RNF180: variants seen among roughly 807,000 people sequenced by gnomAD.
RNF180 encodes ring finger protein 180, also known as E3 ubiquitin-protein ligase RNF180.
A neutral mutation model predicts 59.2 loss-of-function variants in RNF180; 38 were observed. The ratio of observed to expected loss-of-function variants is 0.64; its 90% CI spans 0.50 to 0.84. The LOEUF (loss-of-function observed/expected upper bound fraction) is 0.84. RNF180 is among the 40% of genes least tolerant of loss of function. RNF180 has a pLI of 0.00. For synonymous variants in RNF180, 262 were observed against 240.3 expected, an observed-to-expected ratio of 1.09 and a Z score of -0.84; for missense variants, 705 against 700.9, an observed-to-expected ratio of 1.01 and a Z score of -0.07.
chr5:64,167,096 G>T (rs1259514479), intron 1 of RNF180, among the ~76,000 whole-genome samples: 5 of 152,128 alleles, frequency 3.3e-5, no homozygotes, highest in African/African-American at 7.2e-5. Context: ...TCAGACTTTC[G>T]TCTCTTGTAT....
chr5:64,167,971 C>T (rs143132639), intron 1 of RNF180, among the ~76,000 whole-genome samples: 24 of 152,240 alleles, frequency 1.6e-4, no homozygotes, highest in African/African-American at 5.8e-4. Flanking sequence ...AATGTGATTG[C>T]AGAGTCTTGA....
In RNF180 at chr5:64,372,786, TTTGA is replaced by T. The variant is rs967468252; in HGVS notation, c.*2976_*2979del. ...TGCTCAACTCTTACTTCTTGAAGTG[TTTGA>T]TTGTCAGTAAATTTTCGAAGAACAT... On this transcript the variant is annotated 3_prime_UTR_variant, in exon 8 of 8. Transcript: ENST00000389100. 1 of 151,962 alleles carries T rather than the reference TTTGA, an allele frequency of 6.6e-6. No homozygotes were observed. Among genetic ancestry groups the T allele is most frequent in the African/African-American group, 2.4e-5 (1 of 41,538 alleles). The allele number at this position is 151,962 out of a possible 1,614,324, so 9.4% of individuals were successfully genotyped here. A position where few individuals can be genotyped will look rare whatever the true frequency, so the allele number is the denominator to read the frequency against.
intron 5 of RNF180, among the ~76,000 whole-genome samples, chr5:64,287,175 C>T (rs530100500): frequency 1.2e-3 from 188 of 152,190 alleles, no homozygotes; most frequent in Non-Finnish European, 1.8e-3. Context: ...CCATCTTGGC[C>T]GGGCTGGTCT....
chr5:64,297,679 T>TA (rs1043130286), intron 5 of RNF180, among the ~76,000 whole-genome samples: 3 of 151,954 alleles, frequency 2.0e-5, no homozygotes, highest in South Asian at 2.1e-4. Flanking sequence ...TTGAGAGCAA[T>TA]AAAAAAAGTT....
chr5:64,286,047 C>A (rs750531578), intron 5 of RNF180, among the ~76,000 whole-genome samples: 18 of 152,226 alleles, frequency 1.2e-4, no homozygotes, highest in South Asian at 4.1e-4. Context: ...AAATCAGGAA[C>A]AAGTCCCAGT....
intron 5 of RNF180, among the ~76,000 whole-genome samples, chr5:64,226,643 C>T (rs1417669429): frequency 6.6e-6 from 1 of 151,610 alleles, no homozygotes; most frequent in Non-Finnish European, 1.5e-5. Context: ...CTGAGAAACA[C>T]CCAAGAATGA....
chr5:64,367,111 G>C (rs1746482152), intron 7 of RNF180, among the ~76,000 whole-genome samples: 1 of 151,544 alleles, frequency 6.6e-6, no homozygotes, highest in Non-Finnish European at 1.5e-5. Context: ...TATTATACCT[G>C]ACAAAGTTTT....
chr5:64,362,090 A>AT (rs1162004269), intron 7 of RNF180, among the ~76,000 whole-genome samples: 1 of 151,482 alleles, frequency 6.6e-6, no homozygotes, highest in East Asian at 1.9e-4. Context: ...GATTAAAATA[A>AT]TTTTTTAACT....
rs937339964 is a variant in RNF180 at position 64,325,429 on chromosome 5, T to G, written c.1453+18T>G. The G allele has an allele frequency of 6.9e-7, 1 of 1,446,972 alleles. No individual in the cohort carries two copies. Among genetic ancestry groups the G allele is most frequent in the African/African-American group, 1.4e-5 (1 of 70,868 alleles). The allele number at this position is 1,446,972 out of a possible 1,614,324, so 89.6% of individuals were successfully genotyped here. ...CCAAACAGGTAACAATTCTCTTTCA[T>G]TAACATGATTGTCTGATTATTCTAC... On this transcript the variant is annotated intron_variant, in intron 6 of 7. Transcript: ENST00000389100.
chr5:64,337,114 G>A (rs921159549), intron 7 of RNF180, among the ~76,000 whole-genome samples: 7 of 151,384 alleles, frequency 4.6e-5, no homozygotes, highest in Admixed American at 1.3e-4. Context: ...TTCCAATTCA[G>A]GCAATTCTCC....
chr5:64,219,572 T>C (rs1431738270), intron 5 of RNF180, among the ~76,000 whole-genome samples: 2 of 152,156 alleles, frequency 1.3e-5, no homozygotes, highest in Non-Finnish European at 2.9e-5. Context: ...TGGAGTGCAG[T>C]GGCGCGATCT....
intron 7 of RNF180, among the ~76,000 whole-genome samples, chr5:64,345,632 TTA>T (rs1439129888): frequency 1.3e-5 from 2 of 152,192 alleles, no homozygotes; most frequent in Non-Finnish European, 2.9e-5. Flanking sequence ...AAGCTAGGAT[TTA>T]TCTTTAAAGG....
At chr5:64,169,926 C>T (rs570212463) in intron 1 of RNF180, among the ~76,000 whole-genome samples, 1 of 152,318 alleles carries the variant, frequency 6.6e-6, no homozygotes, top group South Asian at 2.1e-4. Context: ...CTAACAAAGC[C>T]GATCCAAAAG....
intron 1 of RNF180, among the ~76,000 whole-genome samples, chr5:64,177,567 G>GTATT (rs1750322738): frequency 1.2e-5 from 1 of 85,110 alleles, no homozygotes; most frequent in East Asian, 5.1e-4. Flanking sequence ...ATATATATAT[G>GTATT]TATTTATTTC....
chr5:64,340,505 A>G (rs1253475813), intron 7 of RNF180, among the ~76,000 whole-genome samples: 8 of 152,230 alleles, frequency 5.3e-5, no homozygotes, highest in Admixed American at 5.2e-4. Flanking sequence ...TCTAATAGAA[A>G]ACAAAACAGT....
intron 5 of RNF180, among the ~76,000 whole-genome samples, chr5:64,297,762 A>C (rs1464203964): frequency 6.6e-6 from 1 of 152,144 alleles, no homozygotes; most frequent in Non-Finnish European, 1.5e-5. Context: ...TTCTTAAGGG[A>C]CTTCAGGAGA....
intron 5 of RNF180, among the ~76,000 whole-genome samples, chr5:64,244,860 A>AG (rs1261362897): frequency 1.3e-5 from 2 of 152,256 alleles, no homozygotes; most frequent in African/African-American, 4.8e-5. Flanking sequence ...TTACCCACAA[A>AG]GGGAAGCCCA....
At chr5:64,168,812 C>T (rs1328430624) in intron 1 of RNF180, among the ~76,000 whole-genome samples, 1 of 151,944 alleles carries the variant, frequency 6.6e-6, no homozygotes, top group East Asian at 1.9e-4. Context: ...CTGACCACAC[C>T]GATGTCAAAA....
intron 7 of RNF180, among the ~76,000 whole-genome samples, chr5:64,335,002 C>A (rs969242275): frequency 2.6e-5 from 4 of 152,160 alleles, no homozygotes; most frequent in African/African-American, 4.8e-5. Context: ...TGATTTATCA[C>A]CAGCTTTGTC....
Sources: allele counts gnomAD v4.1 joint callset (sites outside exome capture counted in the v4.1 genomes callset), GRCh38; gene constraint gnomAD v4.1.1; transcripts MANE v1.5; gene names NCBI Gene and HGNC (gene_info 2026-07-23, HGNC 2026-07-21).